Variants in KIF1B observed in about 807,000 individuals in gnomAD.
KIF1B encodes kinesin-like protein KIF1B.
KIF1B carries 76 observed loss-of-function variants against 241.9 expected under a neutral mutation model. The ratio of observed to expected loss-of-function variants is 0.31; its 90% CI spans 0.26 to 0.38. KIF1B has a LOEUF of 0.38. Ranked by LOEUF, KIF1B falls within the 10% of genes least tolerant of loss-of-function variation. The probability of loss-of-function intolerance (pLI) is 1.00; values close to 1 mark genes in which losing one functional copy is unlikely to be tolerated. For synonymous variants in KIF1B, 750 were observed against 796.7 expected, an observed-to-expected ratio of 0.94 and a Z score of 0.99; for missense variants, 1,622 against 2,271.4, an observed-to-expected ratio of 0.71 and a Z score of 5.81.
At chr1:10,342,203 T>G in intron 33 of KIF1B, 35 bp downstream of exon 33, 8 of 1,300,278 alleles carry the variant, frequency 6.2e-6, no homozygotes, top group Non-Finnish European at 9.0e-6. Flanking sequence ...TTTGATGGTA[T>G]TGTTTTGATT....
intron 15 of KIF1B, among the ~76,000 whole-genome samples, chr1:10,288,283 G>T (rs200131969): frequency 6.6e-6 from 1 of 152,140 alleles, no homozygotes; most frequent in Admixed American, 6.5e-5. Context: ...AATAACTTTT[G>T]TGGTGCTTTA....
chr1:10,303,391 A>C lies in KIF1B; in HGVS notation c.2115+6145A>C. The C allele has an allele frequency of 1.2e-6, 2 of 1,614,252 alleles. No homozygotes were observed. The highest frequency in any genetic ancestry group is 1.7e-6 in the Non-Finnish European group (2 of 1,180,042). ...CAAGTGGGTCACAATCTCAGATCTT[A>C]AAATTCAGGCTGTCAAAGAGATTTG... On this transcript the variant is annotated intron_variant, in intron 22 of 48. Coordinates refer to ENST00000676179, the MANE Select transcript of KIF1B (RefSeq NM_001365951.3). The surrounding 1 kb of genome is among the most constrained non-coding windows in gnomAD (Gnocchi z 5.2).
intron 22 of KIF1B, among the ~76,000 whole-genome samples, chr1:10,298,721 A>G (rs973573344): frequency 6.6e-6 from 1 of 152,244 alleles, no homozygotes; most frequent in Non-Finnish European, 1.5e-5. Flanking sequence ...ATTATTAACA[A>G]TAATGCCTTG....
chr1:10,292,270 G>A (rs9662704), intron 17 of KIF1B, 148 bp downstream of exon 17: 1 of 705,736 alleles, frequency 1.4e-6, no homozygotes, highest in East Asian at 2.7e-5. Context: ...TTTCATCTTA[G>A]AGCATGGTCT....
At chr1:10,341,951 CAA>C (rs33942183) in intron 32 of KIF1B, 97 bp from the exon 33 acceptor site, 28,807 of 673,204 alleles carry the variant, frequency 0.043, no homozygotes, top group Middle Eastern at 0.053. Context: ...GACCTTGCCT[CAA>C]AAAAAAAAAA....
At chr1:10,354,395 C>T (rs1394427006) in intron 38 of KIF1B, among the ~76,000 whole-genome samples, 1 of 152,088 alleles carries the variant, frequency 6.6e-6, no homozygotes, top group Non-Finnish European at 1.5e-5. Flanking sequence ...TTTGGTGGAG[C>T]AAGAATTAGA....
chr1:10,212,233 G>A (rs943461874), intron 1 of KIF1B, among the ~76,000 whole-genome samples: 4 of 152,096 alleles, frequency 2.6e-5, no homozygotes, highest in African/African-American at 7.2e-5. Flanking sequence ...TTAAAGGCTG[G>A]CATTTTGTCT....
chr1:10,258,718 T>C, intron 4 of KIF1B, 46 bp downstream of exon 4: 1 of 1,571,232 alleles, frequency 6.4e-7, no homozygotes, highest in Non-Finnish European at 8.8e-7. Flanking sequence ...TTATTAGTGT[T>C]AGTCTTAAAT....
chr1:10,231,327 C>A (rs976613568), intron 1 of KIF1B, among the ~76,000 whole-genome samples: 2 of 150,006 alleles, frequency 1.3e-5, no homozygotes, highest in African/African-American at 4.9e-5. Context: ...ATATATACAT[C>A]ATGTAACCAA....
Position 10,376,488 on chromosome 1 carries a change from A to G in KIF1B, c.5409-57A>G, listed in dbSNP as rs1638891859. ...GGAGCCTCAGAGGGAGAGGACTGTGAGGGGACAAGACTTGTACCCAGACTT... is the reference window on the plus strand; with the variant it reads ...GGAGCCTCAGAGGGAGAGGACTGTGGGGGGACAAGACTTGTACCCAGACTT... On this transcript the variant is annotated intron_variant, in intron 48 of 48. Transcript: ENST00000676179. 1.9e-6 allele frequency: 3 copies of G among 1,542,018 alleles called. No individual in the cohort carries two copies. In the South Asian group the frequency reaches 3.3e-5, roughly 17 times the overall value.
At position 10,296,601 on chromosome 1, in the gene KIF1B, C is replaced by T. The variant is rs1188607388; in HGVS notation, c.1797C>T (p.Pro599=). 1 of 1,613,824 alleles carries T rather than the reference C, an allele frequency of 6.2e-7. No homozygotes were observed. The highest frequency in any genetic ancestry group is 1.1e-5 in the South Asian group (1 of 91,042). The part of the protein sequence containing the change: ...NSGEVIVTLE[P]CERSETYVNG... ...TCTTAGTTATCGTGACCTTAGAGCC[C>T]TGTGAGCGCTCAGAAACCTACGTAA... is the stretch of plus-strand genomic sequence containing the variant. The change falls in exon 20 of 49, where the codon CCC becomes CCT. Residue 599 remains proline, a synonymous_variant. Coordinates refer to ENST00000676179, the MANE Select transcript of KIF1B (RefSeq NM_001365951.3).
At chr1:10,237,057 T>C (rs991984271) in intron 2 of KIF1B, among the ~76,000 whole-genome samples, 6 of 152,046 alleles carry the variant, frequency 3.9e-5, no homozygotes, top group African/African-American at 1.5e-4. Flanking sequence ...AGTAGAAGAG[T>C]ATGAAGAGTA....
intron 8 of KIF1B, among the ~76,000 whole-genome samples, 195 bp downstream of exon 8, chr1:10,271,774 C>A (rs754706860): frequency 6.6e-6 from 1 of 152,088 alleles, no homozygotes. Flanking sequence ...TGTCCTTCTA[C>A]GGAAAAATTT....
rs908654277 is a variant in KIF1B, at chr1:10,237,863, G to A, written c.106+5429G>A. 2.6e-5 allele frequency among the ~76,000 whole-genome samples: 4 copies of A among 151,018 alleles called. No homozygotes were observed. The South Asian group carries it at 6.3e-4, about 24-fold the overall frequency. Reference sequence around the variant, plus strand: ...CTCTACAAAAAATACAAAAAAGCTAGCTGGGTGTGGTGGTGTGCACCTGTA... The same window carrying A: ...CTCTACAAAAAATACAAAAAAGCTAACTGGGTGTGGTGGTGTGCACCTGTA... On this transcript the variant is annotated intron_variant, in intron 2 of 48. Coordinates refer to ENST00000676179, the MANE Select transcript of KIF1B (RefSeq NM_001365951.3).
chr1:10,325,345 C>A (rs758586604), intron 26 of KIF1B, among the ~76,000 whole-genome samples: 7 of 152,164 alleles, frequency 4.6e-5, no homozygotes, highest in Non-Finnish European at 8.8e-5. Context: ...TAGTCCCCTT[C>A]AGCCTCATTT....
chr1:10,266,600 A>T (rs1417269900), intron 5 of KIF1B, among the ~76,000 whole-genome samples: 1 of 152,110 alleles, frequency 6.6e-6, no homozygotes, highest in Non-Finnish European at 1.5e-5. Context: ...AATTAGCATC[A>T]CCCGTCTGTT....
rs755113137 is a variant in KIF1B, at chr1:10,361,801, G to C, written c.4280G>C (p.Ser1427Thr). 6.2e-7 allele frequency: 1 copy of C among 1,614,088 alleles called. No homozygotes were observed. Among genetic ancestry groups the C allele is most frequent in the African/African-American group, 1.3e-5 (1 of 75,048 alleles). ...PPRSLRSLFGSGYSKSPDSNR... is the reference protein window; with the variant it reads ...PPRSLRSLFGTGYSKSPDSNR... ...CGCTCTCTGCGTAGCCTCTTTGGCA[G>C]CGGCTACTCAAAGTCACCAGATTCG... is the stretch of plus-strand genomic sequence containing the variant. Residue 1427 changes from serine (S) to threonine (T), a missense_variant, in exon 40 of 49, where the codon AGC (serine) becomes ACC (threonine). Ser to Thr is a moderately conservative substitution (Grantham distance 58). Transcript: ENST00000676179.
rs1638975914 is a variant in KIF1B at position 10,379,744 on chromosome 1, A to C, written c.*3157A>C. On this transcript the variant is annotated 3_prime_UTR_variant, in exon 49 of 49. Transcript: ENST00000676179. ...GTCTCTCATCCTCCTTTCTCCCATC[A>C]AAGCAAAATATGGCCTCACCACCAG... 4.3e-6 allele frequency: 1 copy of C among 230,874 alleles called. No homozygotes were observed. The allele number at this position is 230,874 out of a possible 1,614,324, so 14.3% of individuals were successfully genotyped here.
intron 7 of KIF1B, among the ~76,000 whole-genome samples, chr1:10,269,680 T>G (rs115965672): frequency 0.019 from 2,847 of 151,944 alleles, 41 homozygotes; most frequent in Non-Finnish European, 0.028. Context: ...AATTAGCCGG[T>G]CATGGTGTGT....
Sources: gnomAD v4.1 joint callset for allele counts (sites outside exome capture counted in the v4.1 genomes callset) on GRCh38, gnomAD v4.1.1 for gene constraint, Gnocchi (gnomAD v3.1) non-coding constraint, MANE v1.5 for transcripts, NCBI Gene and HGNC (gene_info 2026-07-23, HGNC 2026-07-21) for gene names.